Variants in PLEKHA5 observed in about 807,000 individuals in gnomAD.
PLEKHA5 encodes pleckstrin homology domain-containing family A member 5.
In PLEKHA5, 55 loss-of-function variants were observed where a neutral mutation model predicts 181.9. The observed-to-expected ratio is 0.30, with a 90% CI of 0.24 to 0.38. The LOEUF (loss-of-function observed/expected upper bound fraction) is 0.38. Ranked by LOEUF, PLEKHA5 falls within the 10% of genes least tolerant of loss-of-function variation. The probability of loss-of-function intolerance (pLI) is 1.00; values close to 1 mark genes in which losing one functional copy is unlikely to be tolerated. For synonymous variants in PLEKHA5, 535 were observed against 529.4 expected (o/e 1.01, Z -0.15); for missense variants, 1,432 against 1,549.5 (o/e 0.92, Z 1.27).
At chr12:19,197,016 A>T (rs2052957995) in intron 3 of PLEKHA5, among the ~76,000 whole-genome samples, 1 of 152,070 alleles carries the variant, frequency 6.6e-6, no homozygotes, top group Non-Finnish European at 1.5e-5. Context: ...TTTAGAAGTG[A>T]ATATACCTCC....
intron 20 of PLEKHA5, among the ~76,000 whole-genome samples, chr12:19,334,983 GAAAAAAAAAAAAAA>G (rs35656695): frequency 4.0e-5 from 2 of 49,966 alleles, no homozygotes; most frequent in African/African-American, 6.3e-5. Flanking sequence ...TTTTTTTTAT[GAAAAAAAAAAAAAA>G]AAAAAAGACT....
At chr12:19,244,013 A>G (rs1240895085) in intron 3 of PLEKHA5, among the ~76,000 whole-genome samples, 1 of 152,176 alleles carries the variant, frequency 6.6e-6, no homozygotes, top group African/African-American at 2.4e-5. Context: ...CCTTTTTATT[A>G]CAATGAAAGT....
At chr12:19,322,911 A>G (rs970238722) in intron 20 of PLEKHA5, among the ~76,000 whole-genome samples, 1 of 151,370 alleles carries the variant, frequency 6.6e-6, no homozygotes, top group Non-Finnish European at 1.5e-5. Context: ...GGAGTACAGT[A>G]TTTTGACTAT....
chr12:19,293,893 G>C (rs2079097925), intron 15 of PLEKHA5, among the ~76,000 whole-genome samples: 1 of 152,106 alleles, frequency 6.6e-6, no homozygotes, highest in Non-Finnish European at 1.5e-5. Flanking sequence ...AAGCTTTGTT[G>C]AACCTTTTCT....
At chr12:19,341,209 A>G (rs2093900639) in intron 21 of PLEKHA5, among the ~76,000 whole-genome samples, 1 of 152,186 alleles carries the variant, frequency 6.6e-6, no homozygotes, top group South Asian at 2.1e-4. Flanking sequence ...CCCAAGAGGC[A>G]GAGGTCACAG....
At chr12:19,196,546 A>G (rs1298011983) in intron 3 of PLEKHA5, among the ~76,000 whole-genome samples, 2 of 152,204 alleles carry the variant, frequency 1.3e-5, no homozygotes, top group Non-Finnish European at 2.9e-5. Flanking sequence ...GGTGTGAATA[A>G]AAGAGGGACA....
chr12:19,264,158 C>T (rs1387654234), intron 7 of PLEKHA5, among the ~76,000 whole-genome samples: 1 of 152,062 alleles, frequency 6.6e-6, no homozygotes, highest in Non-Finnish European at 1.5e-5. Flanking sequence ...TGTATTAACT[C>T]ATTTAACCCT....
At chr12:19,144,201 T>C (rs1037964387) in intron 3 of PLEKHA5, among the ~76,000 whole-genome samples, 2 of 152,158 alleles carry the variant, frequency 1.3e-5, no homozygotes, top group African/African-American at 4.8e-5. Context: ...GAAACACAGA[T>C]TAGTCCTTCA....
intron 25 of PLEKHA5, 54 bp downstream of exon 25, chr12:19,348,573 A>C: frequency 7.1e-7 from 1 of 1,401,976 alleles, no homozygotes; most frequent in South Asian, 1.5e-5. Context: ...AAGACAATTT[A>C]CTGCCAAAAT....
chr12:19,230,520 G>GC (rs924020563), intron 3 of PLEKHA5, among the ~76,000 whole-genome samples: 14 of 152,332 alleles, frequency 9.2e-5, no homozygotes, highest in African/African-American at 3.1e-4. Flanking sequence ...AGCAGCTGAG[G>GC]CCCGGCGAGA....
At chr12:19,155,572 A>G (rs2041492810) in intron 3 of PLEKHA5, among the ~76,000 whole-genome samples, 1 of 152,214 alleles carries the variant, frequency 6.6e-6, no homozygotes, top group African/African-American at 2.4e-5. Context: ...ATCAAATGGA[A>G]TCTGTTTTCC....
intron 3 of PLEKHA5, among the ~76,000 whole-genome samples, chr12:19,230,436 C>CTGTG (rs2060343219): frequency 6.6e-6 from 1 of 152,120 alleles, no homozygotes. Flanking sequence ...GAGGCTTGGG[C>CTGTG]CGTGCAGGAA....
intron 12 of PLEKHA5, among the ~76,000 whole-genome samples, chr12:19,285,075 T>C (rs1435500262): frequency 6.6e-6 from 1 of 152,216 alleles, no homozygotes; most frequent in Non-Finnish European, 1.5e-5. Flanking sequence ...TTAAGATTAA[T>C]AGATTAATCA....
At chr12:19,235,212 C>A (rs184454244) in intron 3 of PLEKHA5, among the ~76,000 whole-genome samples, 43 of 152,214 alleles carry the variant, frequency 2.8e-4, no homozygotes, top group Admixed American at 1.0e-3. Context: ...ATTTTGTTTT[C>A]TCAACTTGAG....
Position 19,274,759 on chromosome 12 carries a change from A to C in PLEKHA5, c.1089A>C (p.Ser363=), listed in dbSNP as rs758614590. ...TGCCATCTGAATATGAGAGTGGGTC[A>C]GCATGCCCTGCTCAGACTGTGCACT... ...NSLPSEYESG[S]ACPAQTVHYR... The change falls in exon 11 of 32, where the codon TCA becomes TCC. Residue 363 remains serine, a synonymous_variant. Coordinates refer to ENST00000429027, the MANE Select transcript of PLEKHA5 (RefSeq NM_001256470.2). The C allele has an allele frequency of 1.2e-6, 2 of 1,614,218 alleles. No homozygotes were observed. Among genetic ancestry groups the C allele is most frequent in the East Asian group, 2.2e-5 (1 of 44,884 alleles).
chr12:19,206,415 C>G (rs1242942473), intron 3 of PLEKHA5, among the ~76,000 whole-genome samples: 1 of 152,044 alleles, frequency 6.6e-6, no homozygotes, highest in Non-Finnish European at 1.5e-5. Flanking sequence ...TAGCATTACT[C>G]TGCTAGAGAT....
At chr12:19,297,664 T>C (rs1289178712) in intron 15 of PLEKHA5, among the ~76,000 whole-genome samples, 1 of 149,510 alleles carries the variant, frequency 6.7e-6, no homozygotes, top group African/African-American at 2.4e-5. Context: ...AGTGCAAGCA[T>C]ACCTATGTAT....
chr12:19,160,079 CTG>C (rs1458267763), intron 3 of PLEKHA5, among the ~76,000 whole-genome samples: 1 of 152,002 alleles, frequency 6.6e-6, no homozygotes, highest in Non-Finnish European at 1.5e-5. Context: ...TGTTATTTAT[CTG>C]TCATCCATGG....
At chr12:19,289,826 G>T (rs1179004784) in intron 13 of PLEKHA5, among the ~76,000 whole-genome samples, 1 of 151,908 alleles carries the variant, frequency 6.6e-6, no homozygotes, top group Non-Finnish European at 1.5e-5. Flanking sequence ...CTATATGAAA[G>T]CACTAACAGT....
Sources: gnomAD v4.1 joint callset for allele counts (sites outside exome capture counted in the v4.1 genomes callset) on GRCh38, gnomAD v4.1.1 for gene constraint, MANE v1.5 for transcripts, NCBI Gene and HGNC (gene_info 2026-07-23, HGNC 2026-07-21) for gene names.